TSHZ3: variants seen among roughly 807,000 people sequenced by gnomAD.
TSHZ3 encodes teashirt zinc finger homeobox 3, also known as teashirt homolog 3.
In TSHZ3, 10 loss-of-function variants were observed where a neutral mutation model predicts 64.5. The observed-to-expected ratio is 0.16, with a 90% CI of 0.10 to 0.26. The LOEUF is 0.26. Ranked by LOEUF, TSHZ3 falls within the 10% of genes least tolerant of loss-of-function variation. The pLI is 1.00. For missense variants in TSHZ3, 1,242 were observed against 1,421.7 expected (o/e 0.87, Z 2.03); for synonymous variants, 608 against 593.1 (o/e 1.03, Z -0.36).
chr19:31,303,406 G>A (rs983042055), intron 1 of TSHZ3, among the ~76,000 whole-genome samples: 3 of 152,210 alleles, frequency 2.0e-5, no homozygotes, highest in African/African-American at 7.2e-5. Flanking sequence ...TGGCTCACCG[G>A]AGACGCACTT....
chr19:31,221,216 T>C (rs1280027732), intron 4 of TSHZ3, among the ~76,000 whole-genome samples: 2 of 152,124 alleles, frequency 1.3e-5, no homozygotes, highest in Non-Finnish European at 2.9e-5. Context: ...TAAAGTGCAA[T>C]GAAAACTCAA....
chr19:31,188,378 AT>A (rs1349239659), intron 5 of TSHZ3, among the ~76,000 whole-genome samples: 2 of 151,906 alleles, frequency 1.3e-5, no homozygotes, highest in Non-Finnish European at 2.9e-5. Context: ...TTTTCTGCCT[AT>A]TGTACTGGCT....
chr19:31,179,616 A>G (rs375361692), intron 5 of TSHZ3, among the ~76,000 whole-genome samples: 1 of 151,440 alleles, frequency 6.6e-6, no homozygotes, highest in East Asian at 1.9e-4. Flanking sequence ...GCTGGTAAGA[A>G]TGATGATGGT....
intron 1 of TSHZ3, among the ~76,000 whole-genome samples, chr19:31,263,517 C>G (rs969867095): frequency 2.6e-5 from 4 of 152,222 alleles, no homozygotes. Flanking sequence ...GGAGTGCCCC[C>G]GTCCTGCTGG....
At chr19:31,169,002 A>G (rs1974497493) in intron 5 of TSHZ3, among the ~76,000 whole-genome samples, 1 of 152,222 alleles carries the variant, frequency 6.6e-6, no homozygotes, top group South Asian at 2.1e-4. Context: ...TTAGCCCCAC[A>G]AAGAAATAAA....
At chr19:31,337,045 A>T in intron 1 of TSHZ3, among the ~76,000 whole-genome samples, 1 of 142,044 alleles carries the variant, frequency 7.0e-6, no homozygotes, top group Admixed American at 7.1e-5. Flanking sequence ...GGCAACCCAG[A>T]GCAAGTACTT....
At chr19:31,226,408 G>A (rs1447098118) in intron 4 of TSHZ3, among the ~76,000 whole-genome samples, 1 of 152,116 alleles carries the variant, frequency 6.6e-6, no homozygotes, top group Non-Finnish European at 1.5e-5. Context: ...TGTTTCATAA[G>A]GGGTTTCCTC....
rs758367996 is a variant in TSHZ3, at chr19:31,277,531, G to T, written c.2262C>A (p.Ser754Arg). The change falls in exon 2 of 2, where the codon AGC becomes AGA. Residue 754 changes from serine (S) to arginine (R), a missense_variant. Physicochemically the swap from Ser to Arg is moderately radical, Grantham distance 110. This residue lies in a region of TSHZ3 where 550 missense variants were observed against 545.1 expected (regional missense o/e 1.01). Coordinates refer to ENST00000240587, the MANE Select transcript of TSHZ3 (RefSeq NM_020856.4). This position sits in a 1 kb window ranked among gnomAD's most constrained non-coding sequence, Gnocchi z 4.5. ...LDPMSMLFKM[S>R]NSLAEKAAVA... ...CAGCAGCCTTCTCCGCCAGGCTGTT[G>T]CTCATCTTGAAAAGCATGCTCATGG... 1.2e-6 allele frequency: 2 copies of T among 1,602,354 alleles called. No homozygotes were observed. Among genetic ancestry groups the T allele is most frequent in the Non-Finnish European group, 1.7e-6 (2 of 1,172,950 alleles).
upstream of TSHZ3, among the ~76,000 whole-genome samples, chr19:31,349,716 C>G (rs1183528190): frequency 6.8e-6 from 1 of 147,532 alleles, no homozygotes; most frequent in Non-Finnish European, 1.5e-5. Context: ...CGGACCGGTA[C>G]TGCCCCGGCC....
rs1361210942 is a variant in TSHZ3 at position 31,330,727 on chromosome 19, G to A, written c.40+18453C>T. On this transcript the variant is annotated intron_variant, in intron 1 of 1. Transcript: ENST00000240587. ...CCTTGGGCGGGGGGAGGAAAGTCCA[G>A]AACACCTATGGGTCATGAAGCAGCC... Among the ~76,000 whole-genome samples the A allele has an allele frequency of 6.7e-5, 10 of 148,832 alleles. No homozygotes were observed. In the East Asian group the frequency reaches 1.2e-3, roughly 18 times the overall value.
At chr19:31,186,626 A>G (rs890266041) in intron 5 of TSHZ3, among the ~76,000 whole-genome samples, 1 of 152,210 alleles carries the variant, frequency 6.6e-6, no homozygotes, top group African/African-American at 2.4e-5. Context: ...GAACTAGTCA[A>G]CTATCAAACT....
At chr19:31,207,734 C>A (rs1975202911) in intron 4 of TSHZ3, 1 of 152,130 alleles carries the variant, frequency 6.6e-6, no homozygotes, top group South Asian at 2.1e-4. Context: ...AATGGATTGG[C>A]CAGATCGATA....
intron 1 of TSHZ3, among the ~76,000 whole-genome samples, chr19:31,243,205 G>T (rs879700982): frequency 2.6e-5 from 4 of 152,188 alleles, no homozygotes; most frequent in Admixed American, 2.6e-4. Flanking sequence ...TGGATTAAGA[G>T]AAGTATAGTA....
chr19:31,271,989 A>C (rs1331353732), downstream of TSHZ3, among the ~76,000 whole-genome samples: 4 of 152,264 alleles, frequency 2.6e-5, no homozygotes, highest in East Asian at 7.7e-4. Flanking sequence ...AATAGTCAAC[A>C]GAATAAAACG....
chr19:31,295,107 C>G (rs1976640420), intron 1 of TSHZ3, among the ~76,000 whole-genome samples: 3 of 152,170 alleles, frequency 2.0e-5, no homozygotes, highest in Admixed American at 2.0e-4. Flanking sequence ...AATAAACAAA[C>G]TAAAGTATAC....
At position 31,278,015 on chromosome 19, in the gene TSHZ3, G is replaced by C; in HGVS notation, c.1778C>G (p.Ser593Cys). 5 of 1,614,046 alleles carry C rather than the reference G, an allele frequency of 3.1e-6. No individual in the cohort carries two copies. Among genetic ancestry groups the C allele is most frequent in the Non-Finnish European group, 4.2e-6 (5 of 1,179,900 alleles). The part of the protein sequence containing the change: ...VSPTKNQTLV[S>C]PPSSQTSPMP... ...GGGGGACGTCTGGCTGCTGGGTGGA[G>C]AGACCAGGGTCTGGTTTTTCGTCGG... Residue 593 changes from serine to cysteine, a missense_variant, in exon 2 of 2, where the codon TCT becomes TGT. By Grantham distance (112) the Ser-to-Cys change is moderately radical. Coordinates refer to ENST00000240587, the MANE Select transcript of TSHZ3 (RefSeq NM_020856.4). This position sits in a 1 kb window ranked among gnomAD's most constrained non-coding sequence, Gnocchi z 4.7.
intron 1 of TSHZ3, among the ~76,000 whole-genome samples, chr19:31,294,444 C>T (rs1939255985): frequency 6.6e-6 from 1 of 152,126 alleles, no homozygotes; most frequent in African/African-American, 2.4e-5. Context: ...AGCACTCACT[C>T]AGCACTCAAC....
At chr19:31,270,175 T>G (rs1016367061), downstream of TSHZ3, among the ~76,000 whole-genome samples, 3 of 152,230 alleles carry the variant, frequency 2.0e-5, no homozygotes, top group Non-Finnish European at 4.4e-5. Context: ...TTGGCTTTGA[T>G]CAGAGATAGT....
intron 1 of TSHZ3, among the ~76,000 whole-genome samples, chr19:31,316,082 G>C (rs1916593954): frequency 1.3e-5 from 2 of 152,118 alleles, no homozygotes; most frequent in East Asian, 3.9e-4. Flanking sequence ...TAAGGAGAAG[G>C]AAATAAATAT....
Sources: gnomAD v4.1 joint callset for allele counts (sites outside exome capture counted in the v4.1 genomes callset) on GRCh38, gnomAD v4.1.1 for gene constraint, gnomAD v4.1.1 regional missense constraint, Gnocchi (gnomAD v3.1) non-coding constraint, MANE v1.5 for transcripts, NCBI Gene and HGNC (gene_info 2026-07-23, HGNC 2026-07-21) for gene names.